RBFOX1: variants seen among roughly 807,000 people sequenced by gnomAD.
RBFOX1 encodes the protein RNA binding protein fox-1 homolog 1.
In RBFOX1, 8 loss-of-function variants were observed where a neutral mutation model predicts 57.7. That is an observed-to-expected ratio of 0.14 (90% confidence interval 0.08 to 0.25). The LOEUF (loss-of-function observed/expected upper bound fraction) is 0.25, where lower values mean the gene tolerates loss of function less well. Among genes scored for constraint, RBFOX1 ranks in the 10% least tolerant of loss-of-function variants. The probability of loss-of-function intolerance (pLI) is 1.00; values close to 1 mark genes in which losing one functional copy is unlikely to be tolerated. For synonymous variants in RBFOX1, 326 were observed against 222.4 expected, an observed-to-expected ratio of 1.47 and a Z score of -4.15; for missense variants, 611 against 548.5, an observed-to-expected ratio of 1.11 and a Z score of -1.14.
intron 1 of RBFOX1, among the ~76,000 whole-genome samples, chr16:6,035,517 AT>A (rs75905555): frequency 0.092 from 13,992 of 152,290 alleles, 923 homozygotes; most frequent in East Asian, 0.34. Context: ...AAGTAGACTT[AT>A]AAAAAATTAT....
chr16:6,796,345 A>G (rs956403780), intron 3 of RBFOX1, among the ~76,000 whole-genome samples: 8 of 152,152 alleles, frequency 5.3e-5, no homozygotes, highest in African/African-American at 1.7e-4. Context: ...GTGAGTGGGT[A>G]CACAGCCAAA....
At chr16:6,020,832 G>T (rs1208763114) in intron 1 of RBFOX1, among the ~76,000 whole-genome samples, 1 of 152,284 alleles carries the variant, frequency 6.6e-6, no homozygotes, top group Admixed American at 6.5e-5. Flanking sequence ...CCTCCCTGGC[G>T]CCAGCTGCGG....
chr16:6,121,857 C>A (rs756862174), intron 1 of RBFOX1, among the ~76,000 whole-genome samples: 8 of 152,152 alleles, frequency 5.3e-5, no homozygotes, highest in African/African-American at 7.2e-5. Context: ...GAGGCAATAC[C>A]TGTAAAATGC....
At chr16:6,841,774 G>T (rs1365813876) in intron 3 of RBFOX1, among the ~76,000 whole-genome samples, 1 of 152,074 alleles carries the variant, frequency 6.6e-6, no homozygotes, top group Non-Finnish European at 1.5e-5. Context: ...CAGCTTAAGG[G>T]TTCCATTCTC....
At chr16:6,621,135 G>C (rs552691709) in intron 2 of RBFOX1, among the ~76,000 whole-genome samples, 2 of 152,152 alleles carry the variant, frequency 1.3e-5, no homozygotes, top group Non-Finnish European at 2.9e-5. Context: ...GGGTGTCTCT[G>C]TATTTTAAAT....
At chr16:7,397,995 C>G (rs2098170582) in intron 4 of RBFOX1, among the ~76,000 whole-genome samples, 1 of 152,152 alleles carries the variant, frequency 6.6e-6, no homozygotes, top group African/African-American at 2.4e-5. Flanking sequence ...ATCTAAGCTT[C>G]TTCCCTTACG....
chr16:6,607,778 A>G (rs931475629), intron 2 of RBFOX1, among the ~76,000 whole-genome samples: 1 of 152,216 alleles, frequency 6.6e-6, no homozygotes, highest in Non-Finnish European at 1.5e-5. Context: ...TGTCTACAAC[A>G]TAGCTCCCGA....
chr16:6,811,354 G>A (rs971665090), intron 3 of RBFOX1, among the ~76,000 whole-genome samples: 3 of 152,040 alleles, frequency 2.0e-5, no homozygotes, highest in African/African-American at 7.2e-5. Context: ...AATATTATGG[G>A]GTAGGATCAC....
At chr16:6,917,817 G>A (rs977985176) in intron 3 of RBFOX1, among the ~76,000 whole-genome samples, 1 of 152,144 alleles carries the variant, frequency 6.6e-6, no homozygotes. Flanking sequence ...GCCTCTTAGA[G>A]AACAGGGCCC....
intron 2 of RBFOX1, among the ~76,000 whole-genome samples, chr16:6,508,208 T>C (rs894893496): frequency 2.0e-5 from 3 of 151,978 alleles, no homozygotes; most frequent in African/African-American, 7.3e-5. Context: ...TCCTGGGGCC[T>C]TTTGGAGGGT....
intron 3 of RBFOX1, among the ~76,000 whole-genome samples, chr16:6,930,442 C>G (rs1193927782): frequency 2.0e-5 from 3 of 152,278 alleles, no homozygotes; most frequent in Admixed American, 1.3e-4. Flanking sequence ...AACAGTCTCA[C>G]TCTGTCACCC....
intron 3 of RBFOX1, among the ~76,000 whole-genome samples, chr16:5,850,732 C>A (rs28375007): frequency 6.6e-6 from 1 of 152,172 alleles, no homozygotes; most frequent in Non-Finnish European, 1.5e-5. Context: ...GAGTCAGTGA[C>A]AGAGGTGAAA....
At chr16:7,130,993 G>A (rs2151967643) in intron 4 of RBFOX1, among the ~76,000 whole-genome samples, 1 of 152,292 alleles carries the variant, frequency 6.6e-6, no homozygotes, top group South Asian at 2.1e-4. Flanking sequence ...TTTCCAAAGA[G>A]ATGGGTATCT....
chr16:7,448,991 G>A (rs1034971705), intron 4 of RBFOX1, among the ~76,000 whole-genome samples: 27 of 117,054 alleles, frequency 2.3e-4, no homozygotes, highest in Admixed American at 5.3e-4. Context: ...GTGCAATGGC[G>A]CGATATCGGC....
chr16:7,242,317 A>T (rs1424286943), intron 4 of RBFOX1, among the ~76,000 whole-genome samples: 1 of 152,196 alleles, frequency 6.6e-6, no homozygotes, highest in African/African-American at 2.4e-5. Flanking sequence ...AATAATAGGC[A>T]TGACATATCA....
At chr16:7,114,707 T>C (rs186198852) in intron 4 of RBFOX1, among the ~76,000 whole-genome samples, 82 of 152,346 alleles carry the variant, frequency 5.4e-4, no homozygotes, top group African/African-American at 1.8e-3. Flanking sequence ...TGTGCTGTTT[T>C]CCTTTCTACG....
intron 1 of RBFOX1, among the ~76,000 whole-genome samples, chr16:5,253,919 C>T (rs1345300262): frequency 3.3e-5 from 5 of 152,192 alleles, no homozygotes; most frequent in African/African-American, 9.6e-5. Flanking sequence ...GGAAGCCTGG[C>T]CACACTGACT....
chr16:6,768,795 C>G (rs537838016), intron 3 of RBFOX1, among the ~76,000 whole-genome samples: 26 of 149,424 alleles, frequency 1.7e-4, no homozygotes, highest in African/African-American at 5.4e-4. Context: ...ATGGGGCGAA[C>G]TCAGCTCACT....
chr16:7,439,406 G>A (rs1405722242), intron 4 of RBFOX1, among the ~76,000 whole-genome samples: 1 of 151,740 alleles, frequency 6.6e-6, no homozygotes, highest in Non-Finnish European at 1.5e-5. Flanking sequence ...CTTTCTGGGT[G>A]GAGGAAAAGG....
Sources: gnomAD v4.1 joint callset for allele counts (sites outside exome capture counted in the v4.1 genomes callset) on GRCh38, gnomAD v4.1.1 for gene constraint, MANE v1.5 for transcripts, NCBI Gene and HGNC (gene_info 2026-07-23, HGNC 2026-07-21) for gene names.